Variants in TIAM1 observed in about 807,000 individuals in gnomAD.
TIAM1 encodes rho guanine nucleotide exchange factor TIAM1.
Under a neutral mutation model 163.5 loss-of-function variants are expected in TIAM1, and 65 were observed. The ratio of observed to expected loss-of-function variants is 0.40; its 90% CI spans 0.33 to 0.49. The LOEUF is 0.49. Ranked by LOEUF, TIAM1 falls within the 20% of genes least tolerant of loss-of-function variation. The pLI is 0.77. For synonymous variants in TIAM1, 833 were observed against 810.1 expected, an observed-to-expected ratio of 1.03 and a Z score of -0.48; for missense variants, 1,789 against 2,044.7, an observed-to-expected ratio of 0.87 and a Z score of 2.41.
intron 27 of TIAM1, among the ~76,000 whole-genome samples, chr21:31,123,492 T>C (rs960021671): frequency 6.6e-6 from 1 of 152,170 alleles, no homozygotes; most frequent in African/African-American, 2.4e-5. Flanking sequence ...CATTTATCAA[T>C]TGATTGGAGA....
intron 1 of TIAM1, among the ~76,000 whole-genome samples, chr21:31,489,582 C>T (rs2046398200): frequency 7.1e-6 from 1 of 140,648 alleles, no homozygotes. Flanking sequence ...CCCCCCCCCC[C>T]TTGGCAGATG....
At chr21:31,434,301 TG>T (rs1451607772) in intron 2 of TIAM1, among the ~76,000 whole-genome samples, 3 of 152,166 alleles carry the variant, frequency 2.0e-5, no homozygotes, top group African/African-American at 7.2e-5. Context: ...CACAGGACAC[TG>T]ATCTCTAACA....
chr21:31,152,579 G>C, intron 19 of TIAM1, 57 bp downstream of exon 19: 2 of 1,600,876 alleles, frequency 1.2e-6, no homozygotes, highest in Non-Finnish European at 1.7e-6. Flanking sequence ...ACGATCAGGG[G>C]ATTCAACTTG....
At chr21:31,244,951 GA>G (rs2071413251) in intron 6 of TIAM1, among the ~76,000 whole-genome samples, 1 of 152,168 alleles carries the variant, frequency 6.6e-6, no homozygotes, top group African/African-American at 2.4e-5. Context: ...GCAGTTAGCA[GA>G]GAAGTATTTT....
chr21:31,272,263 T>C (rs1420625356), intron 3 of TIAM1, among the ~76,000 whole-genome samples: 3 of 152,162 alleles, frequency 2.0e-5, no homozygotes, highest in Non-Finnish European at 4.4e-5. Flanking sequence ...AACAAAATGA[T>C]TGTATGTGTA....
intron 1 of TIAM1, among the ~76,000 whole-genome samples, chr21:31,542,495 T>C (rs1299995605): frequency 6.6e-6 from 1 of 152,002 alleles, no homozygotes. Flanking sequence ...GGCAAAATGT[T>C]TTCTCCTTGA....
intron 6 of TIAM1, among the ~76,000 whole-genome samples, chr21:31,231,768 C>T (rs530024401): frequency 6.6e-6 from 1 of 152,248 alleles, no homozygotes; most frequent in African/African-American, 2.4e-5. Flanking sequence ...GTAGTCCCAG[C>T]ACTTTGGGAG....
intron 22 of TIAM1, among the ~76,000 whole-genome samples, chr21:31,137,308 T>G (rs997300419): frequency 7.2e-5 from 11 of 152,216 alleles, no homozygotes; most frequent in African/African-American, 2.7e-4. Context: ...TTGATTGAAA[T>G]TATTATAATC....
At chr21:31,385,866 A>G (rs2076859344) in intron 2 of TIAM1, among the ~76,000 whole-genome samples, 1 of 92,782 alleles carries the variant, frequency 1.1e-5, no homozygotes. Flanking sequence ...TATTGATTAT[A>G]TATTAATTAT....
chr21:31,257,856 C>T (rs527614868), intron 4 of TIAM1, among the ~76,000 whole-genome samples: 2 of 152,240 alleles, frequency 1.3e-5, no homozygotes, highest in African/African-American at 4.8e-5. Flanking sequence ...TCTGTGCTTC[C>T]TCCAACTACC....
At chr21:31,233,479 G>C (rs2088553446) in intron 6 of TIAM1, among the ~76,000 whole-genome samples, 1 of 152,130 alleles carries the variant, frequency 6.6e-6, no homozygotes. Flanking sequence ...AGGCTGAGGT[G>C]AGATCACTTG....
chr21:31,368,913 T>C (rs1394872714), intron 2 of TIAM1, among the ~76,000 whole-genome samples: 1 of 152,162 alleles, frequency 6.6e-6, no homozygotes, highest in Non-Finnish European at 1.5e-5. Context: ...GCAAAGGACT[T>C]GGACTCTTAA....
At chr21:31,450,331 T>A (rs2044780492) in intron 2 of TIAM1, among the ~76,000 whole-genome samples, 1 of 152,176 alleles carries the variant, frequency 6.6e-6, no homozygotes, top group Non-Finnish European at 1.5e-5. Flanking sequence ...AATGTTTCCT[T>A]GACTTTCTGC....
intron 15 of TIAM1, among the ~76,000 whole-genome samples, chr21:31,174,735 C>T (rs926076137): frequency 5.9e-5 from 9 of 152,244 alleles, no homozygotes; most frequent in African/African-American, 2.2e-4. Context: ...GCAACCTCCA[C>T]CTCCCGGGTT....
chr21:31,533,622 A>G (rs911140752), intron 1 of TIAM1, among the ~76,000 whole-genome samples: 16 of 151,946 alleles, frequency 1.1e-4, no homozygotes, highest in African/African-American at 3.9e-4. Context: ...AGTCTCAGCT[A>G]CCAGGGAGGC....
chr21:31,275,238 C>T (rs562071929), intron 3 of TIAM1, among the ~76,000 whole-genome samples: 46 of 151,850 alleles, frequency 3.0e-4, no homozygotes, highest in Admixed American at 2.4e-3. Context: ...GCTTGTAGGG[C>T]GTTTTAATTT....
chr21:31,442,296 G>C lies in TIAM1; in HGVS notation c.-369+21687C>G, dbSNP rs909743535. On this transcript the variant is annotated intron_variant, in intron 2 of 28. Transcript: ENST00000286827. ...TGCCTAGGCTGGAGTGCAGTGGCACGATCTTGGCTCGCTGCAACCTCCACC... is the reference window on the plus strand; with the variant it reads ...TGCCTAGGCTGGAGTGCAGTGGCACCATCTTGGCTCGCTGCAACCTCCACC... Among the ~76,000 whole-genome samples the C allele has an allele frequency of 3.5e-5, 5 of 142,134 alleles. No homozygotes were observed. In the East Asian group the frequency reaches 1.1e-3, roughly 32 times the overall value. 93.2% of individuals were successfully genotyped at this position (142,134 alleles called of 152,430 possible).
At chr21:31,245,172 C>G (rs1450535650) in intron 6 of TIAM1, among the ~76,000 whole-genome samples, 3 of 151,934 alleles carry the variant, frequency 2.0e-5, no homozygotes, top group Non-Finnish European at 4.4e-5. Flanking sequence ...TTAAATGCAA[C>G]AGAAATGGTA....
At chr21:31,429,059 G>A (rs1263537734) in intron 2 of TIAM1, among the ~76,000 whole-genome samples, 1 of 151,128 alleles carries the variant, frequency 6.6e-6, no homozygotes, top group African/African-American at 2.4e-5. Flanking sequence ...GAGTGCAGTG[G>A]TGCGATCATG....
Sources: allele counts gnomAD v4.1 joint callset (sites outside exome capture counted in the v4.1 genomes callset), GRCh38; gene constraint gnomAD v4.1.1; transcripts MANE v1.5; gene names NCBI Gene and HGNC (gene_info 2026-07-23, HGNC 2026-07-21).